ARHGEF18: variants seen among roughly 807,000 people sequenced by gnomAD.
The protein encoded by ARHGEF18 is Rho/Rac guanine nucleotide exchange factor 18, also known as rho guanine nucleotide exchange factor 18.
In ARHGEF18, 93 loss-of-function variants were observed where a neutral mutation model predicts 155.7. The ratio of observed to expected loss-of-function variants is 0.60; its 90% CI spans 0.50 to 0.71. The LOEUF is 0.71. ARHGEF18 is among the 30% of genes least tolerant of loss of function. ARHGEF18 has a pLI of 0.00. For synonymous variants in ARHGEF18, 742 were observed against 753.1 expected (o/e 0.99, Z 0.24); for missense variants, 1,593 against 1,816.1 (o/e 0.88, Z 2.23).
chr19:7,427,991 C>T (rs1315148622), intron 10 of ARHGEF18, among the ~76,000 whole-genome samples: 1 of 152,098 alleles, frequency 6.6e-6, no homozygotes, highest in African/African-American at 2.4e-5. Context: ...AAAATCACCT[C>T]TCTTTTAAAG....
chr19:7,376,890 A>G, intron 5 of ARHGEF18, 133 bp downstream of exon 5: 1 of 577,516 alleles, frequency 1.7e-6, no homozygotes, highest in Non-Finnish European at 2.6e-6. Context: ...GATGGGCCCC[A>G]GGGAAGGGAA....
At chr19:7,450,041 C>T (rs1975260960) in intron 15 of ARHGEF18, among the ~76,000 whole-genome samples, 2 of 152,032 alleles carry the variant, frequency 1.3e-5, no homozygotes, top group Admixed American at 6.6e-5. Context: ...TCTGTCTCCT[C>T]CAAAGTGGCA....
chr19:7,458,438 A>T (rs1975989837), intron 18 of ARHGEF18, 74 bp from the exon 19 acceptor site: 1 of 1,440,906 alleles, frequency 6.9e-7, no homozygotes, highest in Non-Finnish European at 9.5e-7. Flanking sequence ...TCCCCTCACC[A>T]GGCCCTTGAC....
At chr19:7,473,729 G>A (rs1977135985), downstream of ARHGEF18, among the ~76,000 whole-genome samples, 1 of 150,082 alleles carries the variant, frequency 6.7e-6, no homozygotes. Flanking sequence ...AGAATGGCGT[G>A]AACCCAGGAG....
Position 7,462,532 on chromosome 19 carries a change from G to A in ARHGEF18, c.2635+198G>A, listed in dbSNP as rs142907064. On this transcript the variant is annotated intron_variant, in intron 21 of 28. Coordinates refer to ENST00000668164, the MANE Select transcript of ARHGEF18 (RefSeq NM_001367823.1). The surrounding 1 kb of genome is among the most constrained non-coding windows in gnomAD (Gnocchi z 4.4). ...CCAGAAGGGCCTTAGACATAATCTG[G>A]GCCAAGCCGCTCCTTGCAGACATAA... is the stretch of plus-strand genomic sequence containing the variant. Among the ~76,000 whole-genome samples the A allele has an allele frequency of 1.1e-3, 167 of 152,172 alleles. 1 individual carries two copies. Among genetic ancestry groups the A allele is most frequent in the African/African-American group, 3.8e-3 (156 of 41,418 alleles).
chr19:7,355,734 A>G (rs1175938381), intron 1 of ARHGEF18: 2 of 984,696 alleles, frequency 2.0e-6, no homozygotes, highest in Admixed American at 6.1e-5. Flanking sequence ...AGCGGGAGCC[A>G]TCCACCCAGG....
intron 10 of ARHGEF18, among the ~76,000 whole-genome samples, chr19:7,385,981 C>CCT (rs375525387): frequency 1.5e-4 from 11 of 74,362 alleles, no homozygotes; most frequent in East Asian, 4.0e-4. Context: ...TCCCTCTCTC[C>CCT]CTCTCTCTCT....
intron 10 of ARHGEF18, among the ~76,000 whole-genome samples, chr19:7,431,076 A>G (rs1973931904): frequency 6.6e-6 from 1 of 151,814 alleles, no homozygotes; most frequent in East Asian, 1.9e-4. Context: ...ATCACTCGAG[A>G]CAAGGAGGTT....
Position 7,463,695 on chromosome 19 carries a change from G to C in ARHGEF18, c.2636-123G>C. 2 of 1,219,080 alleles carry C rather than the reference G, an allele frequency of 1.6e-6. No individual in the cohort carries two copies. Among genetic ancestry groups the C allele is most frequent in the Non-Finnish European group, 2.3e-6 (2 of 887,842 alleles). The allele number at this position is 1,219,080 out of a possible 1,614,324, so 75.5% of individuals were successfully genotyped here. A position where few individuals can be genotyped will look rare whatever the true frequency, so the allele number is the denominator to read the frequency against. On this transcript the variant is annotated intron_variant, in intron 21 of 28. Coordinates refer to ENST00000668164, the MANE Select transcript of ARHGEF18 (RefSeq NM_001367823.1). This position sits in a 1 kb window ranked among gnomAD's most constrained non-coding sequence, Gnocchi z 5.2. ...TGAAATCCCACGGCACACAGAAGGG[G>C]GCAGGCGATCACCACCCCAGTGAGT...
intron 2 of ARHGEF18, among the ~76,000 whole-genome samples, chr19:7,369,333 T>C (rs1312945432): frequency 6.6e-6 from 1 of 151,898 alleles, no homozygotes; most frequent in Non-Finnish European, 1.5e-5. Flanking sequence ...TGGTGGCACA[T>C]GCCTGTAATC....
intron 2 of ARHGEF18, among the ~76,000 whole-genome samples, chr19:7,365,861 C>T (rs1428407262): frequency 6.6e-6 from 1 of 152,188 alleles, no homozygotes; most frequent in Non-Finnish European, 1.5e-5. Flanking sequence ...ATGGCTCCCC[C>T]AGGTAATCTG....
In ARHGEF18 at chr19:7,410,829, G is replaced by A. The variant is rs866902465; in HGVS notation, c.967+27626G>A. On this transcript the variant is annotated intron_variant, in intron 10 of 28. Coordinates refer to ENST00000668164, the MANE Select transcript of ARHGEF18 (RefSeq NM_001367823.1). ...CATCTCAAAAAAAAAAAAAAAAAAAGGTTTTTCACCCTTGTCATTTTGATT... is the reference window on the plus strand; with the variant it reads ...CATCTCAAAAAAAAAAAAAAAAAAAAGTTTTTCACCCTTGTCATTTTGATT... Among the ~76,000 whole-genome samples, 546 of 95,020 alleles carry A rather than the reference G, an allele frequency of 5.7e-3. 14 individuals carry two copies. Among genetic ancestry groups the A allele is most frequent in the African/African-American group, 0.017 (509 of 30,522 alleles). The allele number at this position is 95,020 out of a possible 152,430, so 62.3% of individuals were successfully genotyped here.
At chr19:7,389,508 TTCCTTCC>T (rs1450816181) in intron 10 of ARHGEF18, among the ~76,000 whole-genome samples, 1 of 144,384 alleles carries the variant, frequency 6.9e-6, no homozygotes, top group Non-Finnish European at 1.5e-5. Flanking sequence ...CCTTCCTTCC[TTCCTTCC>T]TTTCTTTCTT....
At position 7,440,496 on chromosome 19, in the gene ARHGEF18, C is replaced by G; in HGVS notation, c.1106+14C>G. On this transcript the variant is annotated intron_variant, in intron 11 of 28. Coordinates refer to ENST00000668164, the MANE Select transcript of ARHGEF18 (RefSeq NM_001367823.1). This position sits in a 1 kb window ranked among gnomAD's most constrained non-coding sequence, Gnocchi z 5.4. ...GACGCAACTCGGGTAAGCCAGGGTC[C>G]CCTCTGTGCCCTCGGGTGGGTGGTG... 2 of 1,584,360 alleles carry G rather than the reference C, an allele frequency of 1.3e-6. No individual in the cohort carries two copies. Among genetic ancestry groups the G allele is most frequent in the Non-Finnish European group, 1.7e-6 (2 of 1,170,642 alleles).
At chr19:7,424,707 A>T (rs1973551781) in intron 10 of ARHGEF18, among the ~76,000 whole-genome samples, 1 of 152,164 alleles carries the variant, frequency 6.6e-6, no homozygotes, top group South Asian at 2.1e-4. Flanking sequence ...AAGAAGGCTC[A>T]AATTTAGACT....
downstream of ARHGEF18, among the ~76,000 whole-genome samples, chr19:7,474,206 G>A (rs1042963688): frequency 7.9e-5 from 12 of 151,904 alleles, no homozygotes. Flanking sequence ...GGGCGTGGTG[G>A]CAAACACCTG....
At chr19:7,443,600 T>C (rs947783577) in intron 13 of ARHGEF18, among the ~76,000 whole-genome samples, 2 of 152,148 alleles carry the variant, frequency 1.3e-5, no homozygotes, top group African/African-American at 4.8e-5. Flanking sequence ...ACTATCACCT[T>C]TGGGGTTCGA....
intron 4 of ARHGEF18, 24 bp downstream of exon 4, chr19:7,375,894 CT>C (rs1970439537): frequency 8.1e-7 from 1 of 1,234,346 alleles, no homozygotes; most frequent in Non-Finnish European, 1.0e-6. Flanking sequence ...GCAGCCACCC[CT>C]GACAATAGCA....
chr19:7,371,766 A>G (rs1280120482), intron 2 of ARHGEF18, among the ~76,000 whole-genome samples: 2 of 151,888 alleles, frequency 1.3e-5, no homozygotes, highest in Non-Finnish European at 2.9e-5. Context: ...GGTTGCAGTG[A>G]GCTGAGATTG....
Sources: allele counts gnomAD v4.1 joint callset (sites outside exome capture counted in the v4.1 genomes callset), GRCh38; gene constraint gnomAD v4.1.1; non-coding constraint Gnocchi (gnomAD v3.1); transcripts MANE v1.5; gene names NCBI Gene and HGNC (gene_info 2026-07-23, HGNC 2026-07-21).